CADM2: variants seen among roughly 807,000 people sequenced by gnomAD.
CADM2 encodes the protein immunoglobulin superfamily member 4D.
In CADM2, 12 loss-of-function variants were observed where a neutral mutation model predicts 49.8. That is an observed-to-expected ratio of 0.24 (90% CI 0.15 to 0.39). The LOEUF (loss-of-function observed/expected upper bound fraction) is 0.39, where lower values mean the gene tolerates loss of function less well. Among genes scored for constraint, CADM2 ranks in the 10% least tolerant of loss-of-function variants. The pLI, the probability that CADM2 is intolerant of heterozygous loss-of-function variation, is 1.00. For synonymous variants in CADM2, 214 were observed against 175.4 expected, an observed-to-expected ratio of 1.22 and a Z score of -1.74; for missense variants, 378 against 492.3, an observed-to-expected ratio of 0.77 and a Z score of 2.20.
intron 2 of CADM2, among the ~76,000 whole-genome samples, chr3:85,795,950 T>G (rs1039887691): frequency 1.3e-5 from 2 of 152,208 alleles, no homozygotes; most frequent in Admixed American, 1.3e-4. Flanking sequence ...AAAAATCACT[T>G]CACCTCCCAG....
chr3:85,840,849 A>C (rs2074609472), intron 3 of CADM2, among the ~76,000 whole-genome samples: 3 of 151,824 alleles, frequency 2.0e-5, no homozygotes, highest in South Asian at 2.1e-4. Context: ...TTATTTATTC[A>C]TGTGACTTGA....
At chr3:84,970,311 G>T (rs1303673205) in intron 1 of CADM2, among the ~76,000 whole-genome samples, 1 of 149,252 alleles carries the variant, frequency 6.7e-6, no homozygotes, top group African/African-American at 2.5e-5. Context: ...GAGGTAGGAT[G>T]GAAATATTAT....
chr3:85,091,258 T>C (rs1351896342), intron 1 of CADM2, among the ~76,000 whole-genome samples: 1 of 151,998 alleles, frequency 6.6e-6, no homozygotes, highest in Non-Finnish European at 1.5e-5. Flanking sequence ...ACAAACATCC[T>C]GCATATACAA....
At chr3:85,814,403 CCA>C (rs2073077523) in intron 3 of CADM2, among the ~76,000 whole-genome samples, 1 of 151,720 alleles carries the variant, frequency 6.6e-6, no homozygotes, top group Non-Finnish European at 1.5e-5. Flanking sequence ...CACTAAATGC[CCA>C]CAAGAGAAAG....
At position 85,224,074 on chromosome 3, in the gene CADM2, G is replaced by A. The variant is rs534387526; in HGVS notation, c.61+264406G>A. On this transcript the variant is annotated intron_variant, in intron 1 of 9. Transcript: ENST00000383699. ...TGCTGCAATACATATACATGTGCAC[G>A]TATCTTTATAGTAGAATGATTTATA... 4.6e-5 allele frequency among the ~76,000 whole-genome samples: 7 copies of A among 152,210 alleles called. No homozygotes were observed. In the East Asian group the frequency reaches 5.8e-4, roughly 13 times the overall value.
In CADM2 at chr3:85,236,760, G is replaced by T. The variant is rs547269744; in HGVS notation, c.61+277092G>T. ...TATTAATGGATTTCAAAGTATTAATGGATTCTGTATGAGAAAAGTCATTGA... is the reference window on the plus strand; with the variant it reads ...TATTAATGGATTTCAAAGTATTAATTGATTCTGTATGAGAAAAGTCATTGA... On this transcript the variant is annotated intron_variant, in intron 1 of 9. Transcript: ENST00000383699. Among the ~76,000 whole-genome samples, 4 of 152,148 alleles carry T rather than the reference G, an allele frequency of 2.6e-5. No individual in the cohort carries two copies. In the East Asian group the frequency reaches 7.7e-4, roughly 29 times the overall value.
intron 5 of CADM2, among the ~76,000 whole-genome samples, chr3:85,904,454 A>G (rs1326969912): frequency 6.6e-6 from 1 of 152,224 alleles, no homozygotes; most frequent in African/African-American, 2.4e-5. Flanking sequence ...CCTTGGGTAC[A>G]TCTATCCAGT....
At chr3:85,845,993 T>C (rs2074862414) in intron 3 of CADM2, among the ~76,000 whole-genome samples, 1 of 152,058 alleles carries the variant, frequency 6.6e-6, no homozygotes, top group South Asian at 2.1e-4. Flanking sequence ...TGGTGGTGGG[T>C]CTGCCTGGGA....
intron 1 of CADM2, among the ~76,000 whole-genome samples, chr3:85,663,909 C>T (rs1209526780): frequency 1.3e-5 from 2 of 151,990 alleles, no homozygotes; most frequent in Admixed American, 6.6e-5. Flanking sequence ...CTTTCTACTG[C>T]CATCAAACTG....
chr3:85,839,894 G>A (rs765715407), intron 3 of CADM2, among the ~76,000 whole-genome samples: 5 of 151,700 alleles, frequency 3.3e-5, no homozygotes, highest in African/African-American at 4.8e-5. Context: ...GAATAATTAC[G>A]GGTAATAAAA....
At chr3:85,756,761 A>G (rs2069143516) in intron 2 of CADM2, among the ~76,000 whole-genome samples, 2 of 152,142 alleles carry the variant, frequency 1.3e-5, no homozygotes, top group African/African-American at 4.8e-5. Context: ...TTTTAATCCA[A>G]TTTGAACAGT....
chr3:85,229,169 C>T (rs923574032), intron 1 of CADM2, among the ~76,000 whole-genome samples: 32 of 152,246 alleles, frequency 2.1e-4, no homozygotes, highest in Admixed American at 6.5e-5. Flanking sequence ...CAACCAAGCT[C>T]GTGAATTCCA....
intron 1 of CADM2, among the ~76,000 whole-genome samples, chr3:85,334,213 G>A (rs567010181): frequency 1.2e-4 from 18 of 151,550 alleles, no homozygotes; most frequent in Non-Finnish European, 1.9e-4. Flanking sequence ...AATGCTGGAT[G>A]ATTTTCTATC....
chr3:85,531,916 G>A (rs2061321650), intron 1 of CADM2, among the ~76,000 whole-genome samples: 1 of 152,106 alleles, frequency 6.6e-6, no homozygotes, highest in Non-Finnish European at 1.5e-5. Flanking sequence ...GGTGGCTCAC[G>A]CCTGTAATCC....
At chr3:85,573,366 T>C (rs1449969455) in intron 1 of CADM2, among the ~76,000 whole-genome samples, 1 of 151,958 alleles carries the variant, frequency 6.6e-6, no homozygotes, top group Non-Finnish European at 1.5e-5. Context: ...CTAAGTTTTG[T>C]ATTTTTAGAG....
chr3:85,373,360 T>C (rs2033389239), intron 1 of CADM2, among the ~76,000 whole-genome samples: 1 of 152,122 alleles, frequency 6.6e-6, no homozygotes, highest in African/African-American at 2.4e-5. Context: ...CACATCCAGG[T>C]CACACTGATG....
intron 1 of CADM2, among the ~76,000 whole-genome samples, chr3:85,168,444 T>C (rs935923851): frequency 4.6e-5 from 7 of 152,212 alleles, no homozygotes; most frequent in African/African-American, 1.7e-4. Context: ...TTATTGATAA[T>C]ACCTGTGTGG....
intron 1 of CADM2, among the ~76,000 whole-genome samples, chr3:85,396,754 C>T (rs1231527691): frequency 6.6e-6 from 1 of 151,930 alleles, no homozygotes; most frequent in African/African-American, 2.4e-5. Context: ...ATACCACATA[C>T]AAAAATTAAT....
chr3:85,693,470 C>T (rs1398100382), intron 1 of CADM2, among the ~76,000 whole-genome samples: 1 of 149,750 alleles, frequency 6.7e-6, no homozygotes, highest in Non-Finnish European at 1.5e-5. Context: ...GTCCCAGCAA[C>T]TCTGGAGGCT....
Sources: allele counts gnomAD v4.1 joint callset (sites outside exome capture counted in the v4.1 genomes callset), GRCh38; gene constraint gnomAD v4.1.1; transcripts MANE v1.5; gene names NCBI Gene and HGNC (gene_info 2026-07-23, HGNC 2026-07-21).